Variants in TRIP11 observed in about 807,000 individuals in gnomAD.
TRIP11 encodes the protein thyroid hormone receptor interactor 11.
Under a neutral mutation model 223.1 loss-of-function variants are expected in TRIP11, and 148 were observed. The ratio of observed to expected loss-of-function variants is 0.66; its 90% CI spans 0.58 to 0.76. The LOEUF (loss-of-function observed/expected upper bound fraction) is 0.76. Ranked by LOEUF, TRIP11 falls within the 30% of genes least tolerant of loss-of-function variation. TRIP11 has a pLI of 0.00. For missense variants in TRIP11, 2,043 were observed against 2,222.0 expected (o/e 0.92, Z 1.62); for synonymous variants, 762 against 772.6 (o/e 0.99, Z 0.23).
At chr14:91,989,604 G>A (rs1566849970) in intron 15 of TRIP11, among the ~76,000 whole-genome samples, 1 of 150,678 alleles carries the variant, frequency 6.6e-6, no homozygotes. Flanking sequence ...GTAAATTTAA[G>A]GTCAAGTTTT....
At chr14:92,029,460 T>G (rs1224914997) in intron 2 of TRIP11, among the ~76,000 whole-genome samples, 1 of 151,920 alleles carries the variant, frequency 6.6e-6, no homozygotes, top group Non-Finnish European at 1.5e-5. Flanking sequence ...CACACCCGGC[T>G]AATTTTTGTA....
intron 1 of TRIP11, among the ~76,000 whole-genome samples, chr14:92,039,265 G>A (rs1399616240): frequency 6.6e-6 from 1 of 152,138 alleles, no homozygotes; most frequent in East Asian, 1.9e-4. Context: ...TCAACCAAAC[G>A]AAAATAAACT....
chr14:92,001,564 C>T (rs149869395), intron 11 of TRIP11, among the ~76,000 whole-genome samples: 479 of 152,136 alleles, frequency 3.1e-3, no homozygotes, highest in African/African-American at 0.011. Flanking sequence ...ACACTAATTA[C>T]CCTCAAGTAA....
At chr14:91,977,572 T>C (rs933151774) in intron 16 of TRIP11, among the ~76,000 whole-genome samples, 1 of 152,064 alleles carries the variant, frequency 6.6e-6, no homozygotes, top group Non-Finnish European at 1.5e-5. Flanking sequence ...GACTCTAAAT[T>C]CCCACTGTAA....
At chr14:92,036,891 T>C (rs2057331040) in intron 1 of TRIP11, among the ~76,000 whole-genome samples, 1 of 152,114 alleles carries the variant, frequency 6.6e-6, no homozygotes, top group Non-Finnish European at 1.5e-5. Context: ...CATGCAGCCA[T>C]GCCCAGCTAA....
In TRIP11 at chr14:92,003,957, T is replaced by G. The variant is rs766521899; in HGVS notation, c.4019A>C (p.Glu1340Ala). 8 of 1,614,100 alleles carry G rather than the reference T, an allele frequency of 5.0e-6. No homozygotes were observed. The East Asian group carries it at 1.6e-4, about 31-fold the overall frequency. Reference sequence around the variant, plus strand: ...CTCTTGCTGAAGCAATTCAGAAGATTCACTCAATACTTCAGACTTACTTGC... The same window carrying G: ...CTCTTGCTGAAGCAATTCAGAAGATGCACTCAATACTTCAGACTTACTTGC... ...LRASKSEVLS[E>A]SSELLQQELE... Residue 1340 changes from glutamate to alanine, a missense_variant, in exon 11 of 21, where the codon GAA becomes GCA. Physicochemically the swap from Glu to Ala is moderately radical, Grantham distance 107. Coordinates refer to ENST00000267622, the MANE Select transcript of TRIP11 (RefSeq NM_004239.4).
chr14:92,005,098 C>T lies in TRIP11; in HGVS notation c.2878G>A (p.Glu960Lys), dbSNP rs1281516597. Residue 960 changes from glutamate to lysine, a missense_variant, in exon 11 of 21, where the codon GAG becomes AAG. Glu to Lys is a moderately conservative substitution (Grantham distance 56, BLOSUM62 1). Coordinates refer to ENST00000267622, the MANE Select transcript of TRIP11 (RefSeq NM_004239.4). ...MNATHTQLFLEKDEEIKSLQK... is the reference protein window; with the variant it reads ...MNATHTQLFLKKDEEIKSLQK... ...AAACTCTTAATTTCCTCATCCTTCT[C>T]TAAAAAGAGCTGGGTGTGTGTGGCG... 6.2e-7 allele frequency: 1 copy of T among 1,613,758 alleles called. No homozygotes were observed. Among genetic ancestry groups the T allele is most frequent in the Admixed American group, 1.7e-5 (1 of 60,026 alleles).
chr14:92,026,769 GGAA>G, intron 2 of TRIP11: 1 of 1,185,840 alleles, frequency 8.4e-7, no homozygotes. Flanking sequence ...GTGAGGGTGA[GGAA>G]GAAGGATGGA....
rs1566839604 is a variant in TRIP11 at position 91,967,460 on chromosome 14, G to A, written c.*2213C>T. The stretch of plus-strand genomic sequence containing the variant: ...GGCCAGTATTATAGCTTTAGGACAA[G>A]GTCACATATTTATTTAAATAGCAGC... On this transcript the variant is annotated 3_prime_UTR_variant, in exon 21 of 21. Transcript: ENST00000267622. 1 of 188,674 alleles carries A rather than the reference G, an allele frequency of 5.3e-6. No individual in the cohort carries two copies. The allele number at this position is 188,674 out of a possible 1,614,324, so 11.7% of individuals were successfully genotyped here.
intron 13 of TRIP11, among the ~76,000 whole-genome samples, chr14:91,997,571 G>T (rs1002261562): frequency 1.3e-5 from 2 of 152,042 alleles, no homozygotes; most frequent in African/African-American, 4.8e-5. Context: ...GAAGAAAATG[G>T]AATTGAAGAA....
rs138304419 is a variant in TRIP11, at chr14:92,006,387, C to T, written c.1589G>A (p.Ser530Asn). Residue 530 changes from serine to asparagine, a missense_variant, in exon 11 of 21, where the codon AGT becomes AAT. By Grantham distance (46) the Ser-to-Asn change is conservative. Transcript: ENST00000267622. The part of the protein sequence containing the change: ...KQQNEGDSII[S>N]KLKQDLNDEK... ...ATCATTTAGATCTTGTTTCAGTTTA[C>T]TGATGATGCTATCTCCTTCATTTTG... 1.5e-4 allele frequency: 234 copies of T among 1,612,966 alleles called. No individual in the cohort carries two copies. In the African/African-American group the frequency reaches 2.9e-3, roughly 20 times the overall value.
chr14:92,039,478 G>A (rs1461278294), intron 1 of TRIP11, 69 bp downstream of exon 1: 4 of 1,565,630 alleles, frequency 2.6e-6, no homozygotes, highest in Middle Eastern at 4.5e-4. Flanking sequence ...CTGACTGATG[G>A]AAGTAGGGAC....
At chr14:92,016,095 A>G (rs190968616) in intron 5 of TRIP11, among the ~76,000 whole-genome samples, 1 of 152,342 alleles carries the variant, frequency 6.6e-6, no homozygotes, top group African/African-American at 2.4e-5. Context: ...CATCAGCAAG[A>G]AAAGGCTAAA....
chr14:91,971,859 C>A (rs1322545053), intron 20 of TRIP11, among the ~76,000 whole-genome samples: 3 of 152,218 alleles, frequency 2.0e-5, no homozygotes, highest in African/African-American at 7.2e-5. Flanking sequence ...GTCTAAACGA[C>A]AGAAGTTTCA....
intron 16 of TRIP11, among the ~76,000 whole-genome samples, chr14:91,986,339 G>T (rs1454033703): frequency 1.3e-5 from 2 of 152,106 alleles, no homozygotes; most frequent in Non-Finnish European, 2.9e-5. Context: ...TCAGATTTTG[G>T]ATTTTTCAGA....
At chr14:91,971,373 C>T (rs2056398879) in intron 20 of TRIP11, among the ~76,000 whole-genome samples, 1 of 152,218 alleles carries the variant, frequency 6.6e-6, no homozygotes, top group African/African-American at 2.4e-5. Flanking sequence ...TGAGCTCTGA[C>T]ACACTTCCAA....
In TRIP11 at chr14:92,014,429, A is replaced by C. The variant is rs762681513; in HGVS notation, c.972T>G (p.Ser324=). Residue 324 remains serine (S), a synonymous_variant, in exon 7 of 21, where the codon TCT becomes TCG. Coordinates refer to ENST00000267622, the MANE Select transcript of TRIP11 (RefSeq NM_004239.4). ...TCAAAATATCTCTGTCATTTTCTGCAGAAGATAATTTTTTATTTATATCTT... is the reference window on the plus strand; with the variant it reads ...TCAAAATATCTCTGTCATTTTCTGCCGAAGATAATTTTTTATTTATATCTT... ...KIKDINKKLS[S]AENDRDILRR... 1.9e-6 allele frequency: 3 copies of C among 1,608,534 alleles called. No homozygotes were observed. Among genetic ancestry groups the C allele is most frequent in the Non-Finnish European group, 1.7e-6 (2 of 1,177,800 alleles).
chr14:92,004,200 T>G lies in TRIP11; in HGVS notation c.3776A>C (p.Asn1259Thr), dbSNP rs767417339. 1.1e-5 allele frequency: 18 copies of G among 1,614,078 alleles called. No homozygotes were observed. The Admixed American group carries it at 2.8e-4, about 25-fold the overall frequency. Reference protein sequence around the residue: ...LQAQVLVDSDNNSKLQVDYTG... With the variant: ...LQAQVLVDSDTNSKLQVDYTG... ...ATAGTCCACTTGTAATTTAGAATTA[T>G]TATCACTGTCAACCAAAACCTGTGC... The change falls in exon 11 of 21, where the codon AAT becomes ACT. Residue 1259 changes from asparagine (N) to threonine (T), a missense_variant. Coordinates refer to ENST00000267622, the MANE Select transcript of TRIP11 (RefSeq NM_004239.4).
Position 91,969,851 on chromosome 14 carries a change from G to T in TRIP11, c.5762C>A (p.Pro1921Gln). The change falls in exon 21 of 21, where the codon CCG becomes CAG. Residue 1921 changes from proline to glutamine, a missense_variant. Transcript: ENST00000267622. ...AGCTGCCGAGCGAGGAGCCAAAAAC[G>T]GATTTACATCTGTTCTTCTACCAGA... ...SRSGRRTDVN[P>Q]FLAPRSAAVP... 2 of 1,614,068 alleles carry T rather than the reference G, an allele frequency of 1.2e-6. No homozygotes were observed. Among genetic ancestry groups the T allele is most frequent in the Non-Finnish European group, 1.7e-6 (2 of 1,179,984 alleles).
Sources: allele counts gnomAD v4.1 joint callset (sites outside exome capture counted in the v4.1 genomes callset), GRCh38; gene constraint gnomAD v4.1.1; transcripts MANE v1.5; gene names NCBI Gene and HGNC (gene_info 2026-07-23, HGNC 2026-07-21).